The following ADGRF4 variants were observed in gnomAD, a reference collection of about 807,000 sequenced individuals.
ADGRF4 encodes adhesion G protein-coupled receptor F4.
ADGRF4 carries 63 observed loss-of-function variants against 58.5 expected under a neutral mutation model. The observed-to-expected ratio is 1.08, with a 90% confidence interval of 0.88 to 1.33. The LOEUF is 1.33. Ranked by LOEUF, ADGRF4 falls within the 40% of genes most tolerant of loss-of-function variation. The probability of loss-of-function intolerance (pLI) is 0.00; values close to 1 mark genes in which losing one functional copy is unlikely to be tolerated. For synonymous variants in ADGRF4, 313 were observed against 295.4 expected (o/e 1.06, Z -0.61); for missense variants, 931 against 843.9 (o/e 1.10, Z -1.28).
intron 7 of ADGRF4, 45 bp from the exon 8 acceptor site, chr6:47,717,247 C>A: frequency 7.3e-7 from 1 of 1,375,794 alleles, no homozygotes; most frequent in Non-Finnish European, 1.0e-6. Context: ...TCTGTTGTTT[C>A]TTCCAACATC....
In ADGRF4 at chr6:47,706,413, C is replaced by T. The variant is rs968137280; in HGVS notation, c.-16-817C>T. ...TAAGAGGGAGTCTCAGAGCTTGCTC[C>T]GGTAGCAGACGGTTGGGTTTATTAA... On this transcript the variant is annotated intron_variant, in intron 1 of 9. Coordinates refer to ENST00000283303, the MANE Select transcript of ADGRF4 (RefSeq NM_153838.5). Among the ~76,000 whole-genome samples the T allele has an allele frequency of 5.2e-4, 79 of 152,274 alleles. 1 individual carries two copies. The highest frequency in any genetic ancestry group is 1.3e-3 in the African/African-American group (54 of 41,554).
rs554800569 is a variant in ADGRF4, at chr6:47,720,851, T to C, written c.*4-358T>C. Among the ~76,000 whole-genome samples, 3 of 152,258 alleles carry C rather than the reference T, an allele frequency of 2.0e-5. No individual in the cohort carries two copies. In the South Asian group the frequency reaches 6.2e-4, roughly 32 times the overall value. On this transcript the variant is annotated intron_variant, in intron 9 of 9. Coordinates refer to ENST00000283303, the MANE Select transcript of ADGRF4 (RefSeq NM_153838.5). ...TAATAAATGAGACTGGTTGAGCATA[T>C]ACCCGGAGGGAAGCAACACGGTTTA... is the stretch of plus-strand genomic sequence containing the variant.
intron 1 of ADGRF4, among the ~76,000 whole-genome samples, chr6:47,704,206 G>A (rs1044564742): frequency 4.6e-5 from 7 of 152,022 alleles, no homozygotes; most frequent in Non-Finnish European, 5.9e-5. Flanking sequence ...ACCATGCCTC[G>A]CTAATTTTTG....
intron 2 of ADGRF4, 130 bp downstream of exon 2, chr6:47,707,468 G>T (rs975174457): frequency 5.9e-5 from 39 of 663,990 alleles, no homozygotes; most frequent in South Asian, 5.6e-4. Flanking sequence ...CTTGCTGATA[G>T]TAACTTTCTA....
At chr6:47,716,253 G>C (rs1007329144) in intron 6 of ADGRF4, among the ~76,000 whole-genome samples, 1 of 152,070 alleles carries the variant, frequency 6.6e-6, no homozygotes, top group Non-Finnish European at 1.5e-5. Context: ...TCTTCACCAT[G>C]AACTCTCCTT....
rs1171758539 is a variant in ADGRF4, at chr6:47,718,426, T to A, written c.2072T>A (p.Met691Lys). The A allele has an allele frequency of 3.8e-6, 6 of 1,581,120 alleles. No individual in the cohort carries two copies. Among genetic ancestry groups the A allele is most frequent in the Non-Finnish European group, 5.2e-6 (6 of 1,149,906 alleles). ...SLGPTNGSKL[M>K]NRQG Reference sequence around the variant, plus strand: ...GGCCCAACCAATGGATCTAAATTAATGAATCGTCAAGGATGAAATGTGAGT... The same window carrying A: ...GGCCCAACCAATGGATCTAAATTAAAGAATCGTCAAGGATGAAATGTGAGT... Residue 691 changes from methionine to lysine, a missense_variant, in exon 9 of 10, where the codon ATG becomes AAG. Coordinates refer to ENST00000283303, the MANE Select transcript of ADGRF4 (RefSeq NM_153838.5).
chr6:47,716,823 GT>G lies in ADGRF4; in HGVS notation c.1953del (p.Phe651LeufsTer9). 6.2e-7 allele frequency: 1 copy of G among 1,602,368 alleles called. No homozygotes were observed. The highest frequency in any genetic ancestry group is 1.1e-5 in the South Asian group (1 of 88,496). ...TGCCACAGGGTTTTTTCATCCTGCT[GT>G]TTGGAACCATTATGGATCACAAGGT... ...NAFQGFFILL[F>X]GTIMDHKIRD... On this transcript the variant is annotated frameshift_variant, in exon 7 of 10. Transcript: ENST00000283303. LOFTEE classifies it high-confidence loss of function.
At chr6:47,705,795 T>C (rs1242786147) in intron 1 of ADGRF4, among the ~76,000 whole-genome samples, 4 of 152,206 alleles carry the variant, frequency 2.6e-5, no homozygotes, top group Non-Finnish European at 5.9e-5. Context: ...TACTGGATCA[T>C]AAGGGAATTT....
intron 1 of ADGRF4, among the ~76,000 whole-genome samples, chr6:47,703,409 C>G (rs1036456132): frequency 6.6e-6 from 1 of 152,204 alleles, no homozygotes; most frequent in African/African-American, 2.4e-5. Context: ...TCCCATTCGA[C>G]CCTTTCTGGT....
Position 47,712,571 on chromosome 6 carries a change from C to T in ADGRF4, c.515C>T (p.Thr172Ile), listed in dbSNP as rs1190490794. ...FIVELLKNIS[T>I]DLSDNVTREK... Reference sequence around the variant, plus strand: ...GTGGAGTTATTAAAAAATATTTCTACAGACTTGTCTGATAATGTTACTCGA... The same window carrying T: ...GTGGAGTTATTAAAAAATATTTCTATAGACTTGTCTGATAATGTTACTCGA... Residue 172 changes from threonine (T) to isoleucine (I), a missense_variant, in exon 5 of 10, where the codon ACA becomes ATA. Coordinates refer to ENST00000283303, the MANE Select transcript of ADGRF4 (RefSeq NM_153838.5). 6.3e-7 allele frequency: 1 copy of T among 1,588,504 alleles called. No homozygotes were observed. The highest frequency in any genetic ancestry group is 8.6e-7 in the Non-Finnish European group (1 of 1,156,646).
chr6:47,709,227 C>T (rs1439064089), intron 3 of ADGRF4, among the ~76,000 whole-genome samples: 3 of 152,216 alleles, frequency 2.0e-5, no homozygotes, highest in Non-Finnish European at 2.9e-5. Context: ...TTTCCATTTT[C>T]CCCAGCTGCT....
chr6:47,714,163 C>T lies in ADGRF4; in HGVS notation c.918C>T (p.His306=). 6.2e-7 allele frequency: 1 copy of T among 1,613,954 alleles called. No individual in the cohort carries two copies. Among genetic ancestry groups the T allele is most frequent in the East Asian group, 2.2e-5 (1 of 44,882 alleles). ...TGGGGGCTATCCTGAGAGAAGCCCA[C>T]TTGCAAAATGTGAGTCTTCCCAGAC... ...PTLGAILREA[H]LQNVSLPRQV... Residue 306 remains histidine, a synonymous_variant, in exon 6 of 10, where the codon CAC becomes CAT. Transcript: ENST00000283303.
intron 2 of ADGRF4, among the ~76,000 whole-genome samples, chr6:47,707,932 C>T (rs1771759381): frequency 6.6e-6 from 1 of 152,134 alleles, no homozygotes; most frequent in African/African-American, 2.4e-5. Flanking sequence ...TCTCTGTGTT[C>T]TCCCTGGATG....
chr6:47,701,770 G>T (rs1421115506), intron 1 of ADGRF4, among the ~76,000 whole-genome samples: 1 of 152,168 alleles, frequency 6.6e-6, no homozygotes, highest in Non-Finnish European at 1.5e-5. Flanking sequence ...TTTCCTCCAA[G>T]ATAACATATT....
chr6:47,717,930 G>C (rs1428428601), intron 8 of ADGRF4, among the ~76,000 whole-genome samples: 1 of 152,158 alleles, frequency 6.6e-6, no homozygotes, highest in African/African-American at 2.4e-5. Flanking sequence ...AAGTAAAATT[G>C]CTGATACTAC....
intron 6 of ADGRF4, among the ~76,000 whole-genome samples, 170 bp from the exon 7 acceptor site, chr6:47,716,636 G>A (rs1434045464): frequency 1.3e-5 from 2 of 152,188 alleles, no homozygotes; most frequent in Admixed American, 1.3e-4. Context: ...AAGGGTGGGG[G>A]CAGACTCAAA....
rs927086660 is a variant in ADGRF4, at chr6:47,714,728, G to A, written c.1483G>A (p.Ala495Thr). 1 of 1,613,952 alleles carries A rather than the reference G, an allele frequency of 6.2e-7. No individual in the cohort carries two copies. Among genetic ancestry groups the A allele is most frequent in the Non-Finnish European group, 8.5e-7 (1 of 1,179,894 alleles). Reference protein sequence around the residue: ...LSLFFWMLFKALLIIYGILVI... With the variant: ...LSLFFWMLFKTLLIIYGILVI... ...TCTGTTTTTCTGGATGCTCTTCAAA[G>A]CATTGCTCATCATTTATGGAATATT... Residue 495 changes from alanine to threonine, a missense_variant, in exon 6 of 10, where the codon GCA becomes ACA. Coordinates refer to ENST00000283303, the MANE Select transcript of ADGRF4 (RefSeq NM_153838.5).
Position 47,714,305 on chromosome 6 carries a change from T to C in ADGRF4, c.1060T>C (p.Ser354Pro). Residue 354 changes from serine (S) to proline (P), a missense_variant, in exon 6 of 10, where the codon TCC becomes CCC. Physicochemically the swap from Ser to Pro is moderately conservative, Grantham distance 74. Transcript: ENST00000283303. ...CAGAGCCCAGTGTGTTGGCTGGCAC[T>C]CCAAGAAAAGGAGATGGGATGAGAA... ...NARAQCVGWHSKKRRWDEKAC... is the reference protein window; with the variant it reads ...NARAQCVGWHPKKRRWDEKAC... 6.2e-7 allele frequency: 1 copy of C among 1,614,142 alleles called. No homozygotes were observed. The highest frequency in any genetic ancestry group is 8.5e-7 in the Non-Finnish European group (1 of 1,180,008).
chr6:47,708,837 C>T (rs565048555), intron 3 of ADGRF4, among the ~76,000 whole-genome samples: 1 of 152,228 alleles, frequency 6.6e-6, no homozygotes, highest in Admixed American at 6.5e-5. Flanking sequence ...CAAATACATT[C>T]TTATATAGAT....
Sources: allele counts gnomAD v4.1 joint callset (sites outside exome capture counted in the v4.1 genomes callset), GRCh38; gene constraint gnomAD v4.1.1; transcripts MANE v1.5; gene names NCBI Gene and HGNC (gene_info 2026-07-23, HGNC 2026-07-21).